Variants in ZFP62 observed in about 807,000 individuals in gnomAD.
ZFP62 encodes ZFP62 zinc finger protein.
A neutral mutation model predicts 56.4 loss-of-function variants in ZFP62; 44 were observed. That is an observed-to-expected ratio of 0.78 (90% confidence interval 0.61 to 1.00). The LOEUF (loss-of-function observed/expected upper bound fraction) is 1.00. Ranked by LOEUF, ZFP62 falls within the 50% of genes least tolerant of loss-of-function variation. ZFP62 has a pLI of 0.00. For synonymous variants in ZFP62, 421 were observed against 388.9 expected (o/e 1.08, Z -0.97); for missense variants, 1,030 against 1,085.7 (o/e 0.95, Z 0.72).
the ZFP62 span, chr5:180,831,988 T>TC: frequency 6.5e-6 from 1 of 152,932 alleles, no homozygotes; most frequent in Non-Finnish European, 1.5e-5. Flanking sequence ...TCCCTCCTCC[T>TC]CCCCTCCCCA....
chr5:180,830,012 T>G, the ZFP62 span: 8 of 152,122 alleles, frequency 5.3e-5, no homozygotes, highest in Non-Finnish European at 1.2e-4. Context: ...CCCCATGAAA[T>G]ATCTCCACAA....
downstream of ZFP62, chr5:180,845,862 CCA>C (rs1773400612): frequency 3.0e-6 from 3 of 985,434 alleles, no homozygotes; most frequent in Non-Finnish European, 3.6e-6. Context: ...CGTTTCACGC[CCA>C]GTGTCTTCAT....
chr5:180,860,851 A>C (rs1431196751), intron 1 of ZFP62, among the ~76,000 whole-genome samples: 2 of 152,038 alleles, frequency 1.3e-5, no homozygotes, highest in Non-Finnish European at 2.9e-5. Context: ...TTGAAGCGCT[A>C]ATTTTTAGGG....
chr5:180,850,784 G>C lies in ZFP62; in HGVS notation c.711C>G (p.Ser237Arg). 6.3e-7 allele frequency: 1 copy of C among 1,590,592 alleles called. No individual in the cohort carries two copies. The highest frequency in any genetic ancestry group is 8.6e-7 in the Non-Finnish European group (1 of 1,168,074). Residue 237 changes from serine to arginine, a missense_variant, in exon 2 of 2, where the codon AGC becomes AGG. Coordinates refer to ENST00000502412, the MANE Select transcript of ZFP62 (RefSeq NM_001172638.2). ...CDECGKSFNY[S>R]SVLDQHKRIH... ...TCCTTTTATGCTGGTCCAGAACAGA[G>C]CTATAATTGAAGGATTTTCCACATT...
chr5:180,837,385 T>G, the ZFP62 span, among the ~76,000 whole-genome samples: 1 of 152,348 alleles, frequency 6.6e-6, no homozygotes. Flanking sequence ...GGTCTACTTC[T>G]CTGAGCTTTG....
At chr5:180,828,918 G>T in the ZFP62 span, among the ~76,000 whole-genome samples, 1 of 152,218 alleles carries the variant, frequency 6.6e-6, no homozygotes, top group Non-Finnish European at 1.5e-5. Context: ...CTGGGGGTAG[G>T]TCTATAAATG....
At chr5:180,842,568 C>T in the ZFP62 span, among the ~76,000 whole-genome samples, 1 of 152,178 alleles carries the variant, frequency 6.6e-6, no homozygotes, top group African/African-American at 2.4e-5. Context: ...GACAAAAGAA[C>T]ATGAGGTCTA....
chr5:180,850,283 A>G lies in ZFP62; in HGVS notation c.1212T>C (p.Tyr404=), dbSNP rs139549667. 6.4e-7 allele frequency: 1 copy of G among 1,559,000 alleles called. No individual in the cohort carries two copies. The highest frequency in any genetic ancestry group is 1.4e-5 in the African/African-American group (1 of 73,346). ...KCDVCGKAFS[Y]SSGLAVHKSI... is the part of the protein sequence containing the mutation. ...TTTTATGGACTGCGAGGCCTGAGCT[A>G]TAGCTGAATGCTTTGCCACAGACAT... Residue 404 remains tyrosine, a synonymous_variant, in exon 2 of 2, where the codon TAT becomes TAC. Transcript: ENST00000502412.
downstream of ZFP62, among the ~76,000 whole-genome samples, chr5:180,845,308 G>A (rs1334146407): frequency 2.6e-5 from 3 of 113,880 alleles, no homozygotes; most frequent in African/African-American, 3.3e-5. Context: ...CAGCCTGGGC[G>A]ACAGAACGAG....
chr5:180,828,597 T>C, the ZFP62 span, among the ~76,000 whole-genome samples: 1 of 152,254 alleles, frequency 6.6e-6, no homozygotes, highest in African/African-American at 2.4e-5. Context: ...CCTGTTATCT[T>C]CATAAGCTGA....
At chr5:180,836,497 CTT>C in the ZFP62 span, among the ~76,000 whole-genome samples, 6 of 152,338 alleles carry the variant, frequency 3.9e-5, no homozygotes, top group East Asian at 9.6e-4. Context: ...AAGGACAAGT[CTT>C]TGCATTCAGG....
chr5:180,846,471 C>T (rs1391524943), downstream of ZFP62, among the ~76,000 whole-genome samples: 1 of 152,226 alleles, frequency 6.6e-6, no homozygotes, highest in Non-Finnish European at 1.5e-5. Flanking sequence ...GAAGCCCAAT[C>T]CATGTCCCCA....
the ZFP62 span, chr5:180,835,448 C>G: frequency 6.6e-6 from 1 of 152,224 alleles, no homozygotes; most frequent in Non-Finnish European, 1.5e-5. Context: ...CAGGCCATGC[C>G]ACCGGCTTCT....
At chr5:180,854,779 G>A (rs554837207) in intron 1 of ZFP62, among the ~76,000 whole-genome samples, 44 of 152,298 alleles carry the variant, frequency 2.9e-4, no homozygotes, top group Middle Eastern at 6.8e-3. Flanking sequence ...AGAGGGTGGA[G>A]AGAAGAGGGG....
intron 1 of ZFP62, among the ~76,000 whole-genome samples, chr5:180,857,116 A>T (rs1774028887): frequency 6.6e-6 from 1 of 152,180 alleles, no homozygotes; most frequent in Non-Finnish European, 1.5e-5. Context: ...AGGCAAAGGG[A>T]AAATCAGACA....
chr5:180,858,545 T>G (rs1248378906), intron 1 of ZFP62, among the ~76,000 whole-genome samples: 1 of 151,898 alleles, frequency 6.6e-6, no homozygotes. Context: ...GAGGCAGAGG[T>G]TGCAGTGAGC....
the ZFP62 span, among the ~76,000 whole-genome samples, chr5:180,834,066 C>G: frequency 6.6e-6 from 1 of 152,140 alleles, no homozygotes; most frequent in Non-Finnish European, 1.5e-5. Context: ...ATCCTAACCC[C>G]TTTGTGATGG....
At chr5:180,831,671 G>C in the ZFP62 span, 1 of 152,436 alleles carries the variant, frequency 6.6e-6, no homozygotes, top group Non-Finnish European at 1.5e-5. Context: ...TTCTGGCTAC[G>C]GGTACCCGGA....
chr5:180,835,064 C>CT, the ZFP62 span: 1 of 152,280 alleles, frequency 6.6e-6, no homozygotes, highest in Non-Finnish European at 1.5e-5. Context: ...CTTCAGAACT[C>CT]TAAGAAAGAA....
Sources: allele counts gnomAD v4.1 joint callset (sites outside exome capture counted in the v4.1 genomes callset), GRCh38; gene constraint gnomAD v4.1.1; transcripts MANE v1.5; gene names NCBI Gene and HGNC (gene_info 2026-07-23, HGNC 2026-07-21).